Variants in KPNA7 observed in about 807,000 individuals in gnomAD.
KPNA7 encodes importin subunit alpha-8.
In KPNA7, 54 loss-of-function variants were observed where a neutral mutation model predicts 53.7. The observed-to-expected ratio is 1.01, with a 90% CI of 0.81 to 1.26. The LOEUF (loss-of-function observed/expected upper bound fraction) is 1.26, where lower values mean the gene tolerates loss of function less well. KPNA7 is among the 50% of genes most tolerant of loss of function. The pLI is 0.00. For synonymous variants in KPNA7, 276 were observed against 259.3 expected, an observed-to-expected ratio of 1.06 and a Z score of -0.62; for missense variants, 640 against 644.5, an observed-to-expected ratio of 0.99 and a Z score of 0.07.
the KPNA7 span, among the ~76,000 whole-genome samples, chr7:99,161,635 T>C: frequency 6.6e-6 from 1 of 152,210 alleles, no homozygotes; most frequent in Non-Finnish European, 1.5e-5. Flanking sequence ...GAATTAGTTA[T>C]TAGTGATTCC....
At chr7:99,149,122 C>T in the KPNA7 span, among the ~76,000 whole-genome samples, 2 of 152,014 alleles carry the variant, frequency 1.3e-5, no homozygotes, top group African/African-American at 4.8e-5. Flanking sequence ...AGACTGGTCT[C>T]GAACTCCTGA....
chr7:99,172,664 A>G (rs1053240212), downstream of KPNA7, among the ~76,000 whole-genome samples: 2 of 152,198 alleles, frequency 1.3e-5, no homozygotes, highest in African/African-American at 2.4e-5. Context: ...AGAGAAAATT[A>G]TCTTAGATCT....
chr7:99,174,810 T>C (rs1798840977), intron 10 of KPNA7, among the ~76,000 whole-genome samples: 1 of 144,154 alleles, frequency 6.9e-6, no homozygotes, highest in Non-Finnish European at 1.5e-5. Context: ...AGGTCTCTTA[T>C]TTATTATTTT....
chr7:99,189,637 G>C (rs1025324250), intron 6 of KPNA7, among the ~76,000 whole-genome samples: 1 of 151,902 alleles, frequency 6.6e-6, no homozygotes, highest in Admixed American at 6.6e-5. Context: ...TTGTTTGTTT[G>C]TTGAGACAGG....
intron 3 of KPNA7, among the ~76,000 whole-genome samples, chr7:99,202,591 T>G (rs1462248974): frequency 1.3e-5 from 2 of 152,064 alleles, no homozygotes; most frequent in African/African-American, 4.8e-5. Flanking sequence ...ACACCTGTAA[T>G]CCCAGCACTT....
intron 1 of KPNA7, among the ~76,000 whole-genome samples, chr7:99,219,137 G>A (rs987597025): frequency 2.6e-5 from 4 of 152,242 alleles, no homozygotes; most frequent in African/African-American, 7.2e-5. Context: ...CCGGGCAAGA[G>A]GCTGATTGAG....
At chr7:99,157,814 A>G in the KPNA7 span, among the ~76,000 whole-genome samples, 1 of 151,854 alleles carries the variant, frequency 6.6e-6, no homozygotes, top group South Asian at 2.1e-4. Flanking sequence ...TCTCACTGTC[A>G]CCCAGGCTGG....
At position 99,173,813 on chromosome 7, in the gene KPNA7, ACT is replaced by A. The variant is rs1563062181; in HGVS notation, c.1465-21_1465-20del. On this transcript the variant is annotated intron_variant, in intron 10 of 10. Transcript: ENST00000327442. ...CTTCTTCCTTCAGGAGAGAATAGAC[ACT>A]GTTATACCTCCAGGATTCTCAGCAC... 1.4e-6 allele frequency: 2 copies of A among 1,404,868 alleles called. No homozygotes were observed. The highest frequency in any genetic ancestry group is 1.2e-5 in the South Asian group (1 of 80,424). The allele number at this position is 1,404,868 out of a possible 1,614,324, so 87.0% of individuals were successfully genotyped here. A position where few individuals can be genotyped will look rare whatever the true frequency, so the allele number is the denominator to read the frequency against.
chr7:99,202,105 G>A (rs1790568487), intron 3 of KPNA7, among the ~76,000 whole-genome samples: 1 of 152,042 alleles, frequency 6.6e-6, no homozygotes, highest in South Asian at 2.1e-4. Context: ...GGACTCCTAT[G>A]GCAACTCAGA....
intron 4 of KPNA7, among the ~76,000 whole-genome samples, chr7:99,195,699 T>C (rs918791810): frequency 2.0e-5 from 3 of 152,092 alleles, no homozygotes; most frequent in Admixed American, 6.6e-5. Context: ...TGAGACTCCA[T>C]CTCAAAAGAG....
chr7:99,208,567 A>C (rs2150781843), upstream of KPNA7, among the ~76,000 whole-genome samples: 1 of 148,526 alleles, frequency 6.7e-6, no homozygotes, highest in East Asian at 2.0e-4. Flanking sequence ...CACCTGGCTT[A>C]TTTTTGGTTT....
At chr7:99,211,365 T>G (rs1463455846), upstream of KPNA7, among the ~76,000 whole-genome samples, 1 of 152,166 alleles carries the variant, frequency 6.6e-6, no homozygotes, top group African/African-American at 2.4e-5. Flanking sequence ...GAGGTTGCAG[T>G]GAGCCTAGAT....
the KPNA7 span, among the ~76,000 whole-genome samples, chr7:99,146,636 C>T: frequency 1.5e-5 from 2 of 137,702 alleles, no homozygotes; most frequent in Admixed American, 8.0e-5. Flanking sequence ...CACTTAAACT[C>T]GGGAGGCAGA....
intron 10 of KPNA7, among the ~76,000 whole-genome samples, chr7:99,174,123 C>T (rs1426677068): frequency 7.0e-6 from 1 of 142,998 alleles, no homozygotes; most frequent in Non-Finnish European, 1.5e-5. Context: ...CAGCCACTCC[C>T]CATCACTCGC....
chr7:99,199,071 A>T (rs1300215578), intron 3 of KPNA7, among the ~76,000 whole-genome samples: 76 of 126,764 alleles, frequency 6.0e-4, no homozygotes, highest in African/African-American at 1.3e-3. Flanking sequence ...AACTGAAAAA[A>T]AAAAAAAAAA....
upstream of KPNA7, among the ~76,000 whole-genome samples, chr7:99,212,737 TAAAAAA>T (rs1045175172): frequency 6.6e-6 from 1 of 151,394 alleles, no homozygotes; most frequent in Non-Finnish European, 1.5e-5. Context: ...CAAAAAAGAT[TAAAAAA>T]ATTAAAAATT....
chr7:99,194,506 A>G (rs1790128783), intron 5 of KPNA7, among the ~76,000 whole-genome samples: 1 of 152,102 alleles, frequency 6.6e-6, no homozygotes, highest in African/African-American at 2.4e-5. Flanking sequence ...AGGCTGTAGG[A>G]CCTTAGTGTT....
Position 99,203,204 on chromosome 7 carries a change from G to A in KPNA7, c.103C>T (p.Leu35Phe). Residue 35 changes from leucine (L) to phenylalanine (F), a missense_variant, in exon 3 of 11, where the codon CTC (leucine) becomes TTC (phenylalanine). Physicochemically the swap from Leu to Phe is conservative, Grantham distance 22. Transcript: ENST00000327442. ...RQQRMAVSLELRKAKKDEQTL... is the reference protein window; with the variant it reads ...RQQRMAVSLEFRKAKKDEQTL... The stretch of plus-strand genomic sequence containing the variant: ...TGTTCATCTTTCTTGGCCTTTCGGA[G>A]CTCCAGACTGACCGCCATCCTCTGC... The A allele has an allele frequency of 1.3e-6, 2 of 1,551,634 alleles. No individual in the cohort carries two copies. Among genetic ancestry groups the A allele is most frequent in the Non-Finnish European group, 1.7e-6 (2 of 1,146,920 alleles).
At chr7:99,201,201 G>A (rs376657529) in intron 3 of KPNA7, among the ~76,000 whole-genome samples, 10 of 152,236 alleles carry the variant, frequency 6.6e-5, no homozygotes, top group African/African-American at 2.4e-4. Context: ...TGGGGGATGA[G>A]GAATGGGGAG....
Sources: allele counts gnomAD v4.1 joint callset (sites outside exome capture counted in the v4.1 genomes callset), GRCh38; gene constraint gnomAD v4.1.1; transcripts MANE v1.5; gene names NCBI Gene and HGNC (gene_info 2026-07-23, HGNC 2026-07-21).